RDX: variants seen among roughly 807,000 people sequenced by gnomAD.
The protein encoded by RDX is radixin, also known as deafness, autosomal recessive 24.
RDX carries 32 observed loss-of-function variants against 83.7 expected under a neutral mutation model. The ratio of observed to expected loss-of-function variants is 0.38; its 90% CI spans 0.29 to 0.51. The LOEUF (loss-of-function observed/expected upper bound fraction) is 0.51, where lower values mean the gene tolerates loss of function less well. RDX is among the 20% of genes least tolerant of loss of function. RDX has a pLI of 0.87. For missense variants in RDX, 600 were observed against 689.9 expected (o/e 0.87, Z 1.46); for synonymous variants, 229 against 222.7 (o/e 1.03, Z -0.25).
chr11:110,258,015 C>T, intron 6 of RDX, 91 bp downstream of exon 6: 3 of 1,483,844 alleles, frequency 2.0e-6, no homozygotes, highest in South Asian at 2.3e-5. Flanking sequence ...ATAAGTCAAA[C>T]AATCTTTTGG....
chr11:110,231,719 A>G lies in RDX; in HGVS notation c.*150T>C. The G allele has an allele frequency of 1.2e-6, 1 of 818,060 alleles. No individual in the cohort carries two copies. The highest frequency in any genetic ancestry group is 1.4e-5 in the South Asian group (1 of 73,140). The allele number at this position is 818,060 out of a possible 1,614,324, so 50.7% of individuals were successfully genotyped here. A position where few individuals can be genotyped will look rare whatever the true frequency, so the allele number is the denominator to read the frequency against. On this transcript the variant is annotated 3_prime_UTR_variant, in exon 14 of 14. Coordinates refer to ENST00000645495, the MANE Select transcript of RDX (RefSeq NM_002906.4). Reference sequence around the variant, plus strand: ...ATATCATACTGCCTTAATGTTGAAGAGCTCCCCTTAAATTTGTCTTTTAGC... The same window carrying G: ...ATATCATACTGCCTTAATGTTGAAGGGCTCCCCTTAAATTTGTCTTTTAGC...
intron 3 of RDX, among the ~76,000 whole-genome samples, chr11:110,271,676 AG>A (rs1447835484): frequency 1.3e-5 from 2 of 152,164 alleles, no homozygotes; most frequent in Non-Finnish European, 2.9e-5. Flanking sequence ...AAAGCTCCAC[AG>A]GTGACTAATA....
At chr11:110,248,042 CAA>C (rs1859186434) in intron 9 of RDX, among the ~76,000 whole-genome samples, 1 of 152,034 alleles carries the variant, frequency 6.6e-6, no homozygotes, top group African/African-American at 2.4e-5. Context: ...TATGAGGATG[CAA>C]AGACAGAGTA....
At chr11:110,256,548 T>C (rs1035692427) in intron 7 of RDX, among the ~76,000 whole-genome samples, 7 of 152,100 alleles carry the variant, frequency 4.6e-5, no homozygotes, top group African/African-American at 1.2e-4. Flanking sequence ...TTTAAAAAAA[T>C]TGCTCCAATA....
At chr11:110,183,391 A>C (rs1046494365) in intron 15 of RDX, among the ~76,000 whole-genome samples, 9 of 152,210 alleles carry the variant, frequency 5.9e-5, no homozygotes, top group Non-Finnish European at 1.3e-4. Flanking sequence ...ACAGCGGCAC[A>C]ATCACAGCTC....
intron 10 of RDX, among the ~76,000 whole-genome samples, chr11:110,247,100 T>A (rs1419760391): frequency 6.6e-6 from 1 of 152,230 alleles, no homozygotes; most frequent in Non-Finnish European, 1.5e-5. Context: ...ATAAACCACA[T>A]ATTATAAATC....
chr11:110,189,286 ATGAC>A lies in RDX; in HGVS notation c.*31+10291_*31+10294del, dbSNP rs1863059495. ...AAAAAAAAGACAAGGGCATTACATA[ATGAC>A]AAAGGGATCAATTCAACAAGAGACT... is the stretch of plus-strand genomic sequence containing the variant. On this transcript the variant is annotated intron_variant, in intron 15 of 15. Coordinates refer to the RDX transcript ENST00000528498. Among the ~76,000 whole-genome samples the A allele has an allele frequency of 2.9e-3, 413 of 142,764 alleles. 11 individuals carry two copies. The highest frequency in any genetic ancestry group is 0.01 in the African/African-American group (383 of 37,716). 93.7% of individuals were successfully genotyped at this position (142,764 alleles called of 152,430 possible). A position where few individuals can be genotyped will look rare whatever the true frequency, so the allele number is the denominator to read the frequency against.
At chr11:110,252,499 T>C (rs1317029325) in intron 9 of RDX, among the ~76,000 whole-genome samples, 1 of 152,222 alleles carries the variant, frequency 6.6e-6, no homozygotes, top group Non-Finnish European at 1.5e-5. Context: ...AGGAACTGTA[T>C]ATAAAATAAT....
chr11:110,217,590 C>T (rs952799094), intron 14 of RDX, among the ~76,000 whole-genome samples: 2 of 152,190 alleles, frequency 1.3e-5, no homozygotes. Context: ...GCTACCAGAC[C>T]TCCTCACCCT....
In RDX at chr11:110,247,754, G is replaced by C. The variant is rs1859167085; in HGVS notation, c.1039C>G (p.Leu347Val). The C allele has an allele frequency of 6.2e-7, 1 of 1,611,630 alleles. No individual in the cohort carries two copies. Among genetic ancestry groups the C allele is most frequent in the African/African-American group, 1.3e-5 (1 of 74,846 alleles). ...TCAATTTGTTTTAGACGTTCCATTAGCTCTTCCTTTTCACGTTCTATTCTT... is the reference window on the plus strand; with the variant it reads ...TCAATTTGTTTTAGACGTTCCATTACCTCTTCCTTTTCACGTTCTATTCTT... ...KERIEREKEE[L>V]MERLKQIEEQ... Residue 347 changes from leucine to valine, a missense_variant, in exon 10 of 14, where the codon CTA (leucine) becomes GTA (valine). Transcript: ENST00000645495.
intron 2 of RDX, among the ~76,000 whole-genome samples, chr11:110,278,610 AG>A (rs1860613404): frequency 6.6e-6 from 1 of 152,060 alleles, no homozygotes; most frequent in Non-Finnish European, 1.5e-5. Flanking sequence ...TGCTAAATTC[AG>A]TTATTGGTTC....
At chr11:110,276,864 T>C (rs1301670907) in intron 2 of RDX, among the ~76,000 whole-genome samples, 1 of 152,192 alleles carries the variant, frequency 6.6e-6, no homozygotes, top group Non-Finnish European at 1.5e-5. Flanking sequence ...TGAAGTGATA[T>C]AAGACTATCA....
At chr11:110,239,480 G>C (rs902556525) in intron 10 of RDX, among the ~76,000 whole-genome samples, 1 of 152,106 alleles carries the variant, frequency 6.6e-6, no homozygotes, top group East Asian at 1.9e-4. Flanking sequence ...GCTCAAACTC[G>C]ATAGCAGAAA....
In RDX at chr11:110,231,203, G is replaced by A. The variant is rs1314798963; in HGVS notation, c.*666C>T. 6.5e-6 allele frequency: 1 copy of A among 152,984 alleles called. No homozygotes were observed. Among genetic ancestry groups the A allele is most frequent in the Non-Finnish European group, 1.5e-5 (1 of 68,684 alleles). The allele number at this position is 152,984 out of a possible 1,614,324, so 9.5% of individuals were successfully genotyped here. A position where few individuals can be genotyped will look rare whatever the true frequency, so the allele number is the denominator to read the frequency against. On this transcript the variant is annotated 3_prime_UTR_variant, in exon 14 of 14. Coordinates refer to ENST00000645495, the MANE Select transcript of RDX (RefSeq NM_002906.4). ...AGTGTAAGCTGTTAAAGATGACTGT[G>A]ATTAAATAACCAAATATCAAATATC... is the stretch of plus-strand genomic sequence containing the variant.
chr11:110,236,147 C>G lies in RDX; in HGVS notation c.1296G>C (p.Glu432Asp). The G allele has an allele frequency of 1.2e-6, 2 of 1,612,452 alleles. No homozygotes were observed. Among genetic ancestry groups the G allele is most frequent in the East Asian group, 4.5e-5 (2 of 44,834 alleles). Residue 432 changes from glutamate (E) to aspartate (D), a missense_variant, in exon 12 of 14, where the codon GAG becomes GAC. By Grantham distance (45) the Glu-to-Asp change is conservative. Coordinates refer to ENST00000645495, the MANE Select transcript of RDX (RefSeq NM_002906.4). Reference protein sequence around the residue: ...AEFTAKIALLEEAKKKKEEEA... With the variant: ...AEFTAKIALLDEAKKKKEEEA... The stretch of plus-strand genomic sequence containing the variant: ...CCTCTTCCTTTTTCTTCTTGGCTTC[C>G]TCTAGAAGTGCAATCTTGGCAGTGA...
chr11:110,176,088 C>CTT (rs11452453), intron 15 of RDX, among the ~76,000 whole-genome samples: 4,323 of 143,250 alleles, frequency 0.03, 86 homozygotes, highest in South Asian at 0.049. Context: ...TTCTTTTTTT[C>CTT]TTTTTTTTTT....
At chr11:110,228,764 T>C (rs996632354), downstream of RDX, among the ~76,000 whole-genome samples, 5 of 151,866 alleles carry the variant, frequency 3.3e-5, no homozygotes, top group Non-Finnish European at 5.9e-5. Context: ...TCCAATAAAA[T>C]CTAACATAAC....
At chr11:110,225,001 T>A (rs997263719), downstream of RDX, among the ~76,000 whole-genome samples, 12 of 152,318 alleles carry the variant, frequency 7.9e-5, no homozygotes, top group African/African-American at 2.2e-4. Flanking sequence ...CATCTAAACA[T>A]AGGATTCAAG....
chr11:110,248,236 AAAT>A (rs1295490969), intron 9 of RDX, among the ~76,000 whole-genome samples: 1 of 152,212 alleles, frequency 6.6e-6, no homozygotes, highest in Non-Finnish European at 1.5e-5. Context: ...TACTGAAATA[AAAT>A]AATAATAATT....
Sources: allele counts gnomAD v4.1 joint callset (sites outside exome capture counted in the v4.1 genomes callset), GRCh38; gene constraint gnomAD v4.1.1; transcripts MANE v1.5; gene names NCBI Gene and HGNC (gene_info 2026-07-23, HGNC 2026-07-21).